The following ADGRV1 variants were observed in gnomAD, a reference collection of about 807,000 sequenced individuals.
ADGRV1 encodes the protein adhesion G protein-coupled receptor V1.
In ADGRV1, 359 loss-of-function variants were observed where a neutral mutation model predicts 596.2. That is an observed-to-expected ratio of 0.60 (90% CI 0.55 to 0.66). The LOEUF (loss-of-function observed/expected upper bound fraction) is 0.66. Among genes scored for constraint, ADGRV1 ranks in the 30% least tolerant of loss-of-function variants. The pLI, the probability that ADGRV1 is intolerant of heterozygous loss-of-function variation, is 0.00. For synonymous variants in ADGRV1, 2,681 were observed against 2,679.2 expected (o/e 1.00, Z -0.02); for missense variants, 7,274 against 7,575.6 (o/e 0.96, Z 1.48).
At chr5:90,783,466 TA>T (rs1186148324) in intron 66 of ADGRV1, 141 bp downstream of exon 66, 8 of 660,522 alleles carry the variant, frequency 1.2e-5, no homozygotes, top group African/African-American at 3.6e-5. Flanking sequence ...TTTGGGGTAC[TA>T]GGGGTAGGGA....
At chr5:90,600,846 T>C (rs1236513841) in intron 1 of ADGRV1, among the ~76,000 whole-genome samples, 3 of 152,100 alleles carry the variant, frequency 2.0e-5, no homozygotes, top group Non-Finnish European at 2.9e-5. Context: ...CAGCACATTG[T>C]GAACAAAATT....
chr5:91,024,565 A>G (rs1240370827), intron 85 of ADGRV1, among the ~76,000 whole-genome samples: 1 of 152,128 alleles, frequency 6.6e-6, no homozygotes, highest in African/African-American at 2.4e-5. Context: ...TAAAAATACA[A>G]AGTAAAATTC....
chr5:91,054,102 T>TGTGTGTGAGA lies in ADGRV1; in HGVS notation c.18153-18344_18153-18343insTGTGTGAGAG, dbSNP rs1299621929. ...GTGTGTGTGTGTGTGTGTGTGTGTG[T>TGTGTGTGAGA]GAGAGAGAGAGAGAGAGAGAGAGAG... On this transcript the variant is annotated intron_variant, in intron 85 of 89. Coordinates refer to ENST00000405460, the MANE Select transcript of ADGRV1 (RefSeq NM_032119.4). Among the ~76,000 whole-genome samples the TGTGTGTGAGA allele has an allele frequency of 7.4e-3, 939 of 126,710 alleles. 5 individuals carry two copies. Among genetic ancestry groups the TGTGTGTGAGA allele is most frequent in the Middle Eastern group, 0.02 (5 of 250 alleles). The allele number at this position is 126,710 out of a possible 152,430, so 83.1% of individuals were successfully genotyped here.
chr5:91,011,494 A>G (rs1376026666), intron 85 of ADGRV1, among the ~76,000 whole-genome samples: 1 of 151,908 alleles, frequency 6.6e-6, no homozygotes, highest in Non-Finnish European at 1.5e-5. Context: ...GATTCTAGGG[A>G]ATTTCACTCC....
chr5:90,945,821 AC>A (rs1370455838), intron 83 of ADGRV1, among the ~76,000 whole-genome samples: 1 of 152,156 alleles, frequency 6.6e-6, no homozygotes, highest in Non-Finnish European at 1.5e-5. Context: ...TACAAAAAAT[AC>A]AAAAATTTGG....
intron 83 of ADGRV1, among the ~76,000 whole-genome samples, chr5:90,952,664 G>A (rs941870408): frequency 2.6e-5 from 4 of 152,120 alleles, no homozygotes; most frequent in Admixed American, 2.6e-4. Flanking sequence ...TTCTGTTTGG[G>A]ACTTGAACTC....
chr5:90,580,407 T>C (rs1032320735), intron 1 of ADGRV1, among the ~76,000 whole-genome samples: 1 of 152,044 alleles, frequency 6.6e-6, no homozygotes, highest in Non-Finnish European at 1.5e-5. Context: ...CTTGGTTCCA[T>C]TCTCCCTGTC....
At chr5:91,054,102 T>TGTGTGTGAGAGAGA (rs1299621929) in intron 85 of ADGRV1, among the ~76,000 whole-genome samples, 4 of 126,738 alleles carry the variant, frequency 3.2e-5, no homozygotes, top group Non-Finnish European at 4.9e-5. Flanking sequence ...TGTGTGTGTG[T>TGTGTGTGAGAGAGA]GAGAGAGAGA....
In ADGRV1 at chr5:90,863,750, C is replaced by T; in HGVS notation, c.17756-7C>T. The T allele has an allele frequency of 1.2e-6, 2 of 1,601,726 alleles. No individual in the cohort carries two copies. Among genetic ancestry groups the T allele is most frequent in the Non-Finnish European group, 1.7e-6 (2 of 1,169,082 alleles). ...TAAACCATATGTGGACTTTTTTGTT[C>T]CTACAGGTCTTTGCTTGGCTGTTCT... is the stretch of plus-strand genomic sequence containing the variant. On this transcript the variant is annotated splice_polypyrimidine_tract_variant and splice_region_variant and intron_variant, in intron 82 of 89. Coordinates refer to ENST00000405460, the MANE Select transcript of ADGRV1 (RefSeq NM_032119.4).
intron 83 of ADGRV1, among the ~76,000 whole-genome samples, chr5:90,938,211 A>AT (rs1775875898): frequency 6.6e-6 from 1 of 152,190 alleles, no homozygotes; most frequent in Admixed American, 6.5e-5. Context: ...TAAAAAAAAA[A>AT]TTTTTTGGAG....
chr5:91,007,756 C>T (rs1782397165), intron 85 of ADGRV1, among the ~76,000 whole-genome samples: 1 of 152,160 alleles, frequency 6.6e-6, no homozygotes, highest in African/African-American at 2.4e-5. Context: ...GAAACTCCAT[C>T]TTAGCAGTGG....
chr5:90,618,616 A>C (rs1159190956), intron 3 of ADGRV1, among the ~76,000 whole-genome samples: 3 of 152,196 alleles, frequency 2.0e-5, no homozygotes. Context: ...TACAAATGTT[A>C]CAGAAAACTC....
intron 83 of ADGRV1, among the ~76,000 whole-genome samples, chr5:90,887,015 C>A (rs1353596413): frequency 6.6e-6 from 1 of 152,144 alleles, no homozygotes; most frequent in East Asian, 1.9e-4. Flanking sequence ...CCAGTTTGCT[C>A]TCTAGTTAGG....
intron 79 of ADGRV1, among the ~76,000 whole-genome samples, chr5:90,849,115 A>G (rs1206138354): frequency 6.6e-6 from 1 of 151,760 alleles, no homozygotes; most frequent in East Asian, 2.0e-4. Context: ...TACATTCTGA[A>G]TAGAAAAAAA....
At position 90,696,975 on chromosome 5, in the gene ADGRV1, G is replaced by T; in HGVS notation, c.7984G>T (p.Asp2662Tyr). 6.2e-7 allele frequency: 1 copy of T among 1,612,250 alleles called. No homozygotes were observed. The highest frequency in any genetic ancestry group is 1.1e-5 in the South Asian group (1 of 90,848). ...KKTVILTILD[D>Y]SEPEDDESII... ...GACAGTCATTTTAACCATCTTGGAT[G>T]ACTCTGAACCAGAGGATGACGAAAG... Residue 2662 changes from aspartate to tyrosine, a missense_variant, in exon 34 of 90, where the codon GAC (aspartate) becomes TAC (tyrosine). Around this residue, in one of 5 missense-constraint regions of ADGRV1, gnomAD observed 3,643 missense variants for 3,809.2 expected, o/e 0.96. Coordinates refer to ENST00000405460, the MANE Select transcript of ADGRV1 (RefSeq NM_032119.4).
At chr5:90,820,747 A>C (rs866835322) in intron 75 of ADGRV1, among the ~76,000 whole-genome samples, 3,221 of 149,552 alleles carry the variant, frequency 0.022, 125 homozygotes, top group African/African-American at 0.076. Context: ...ATTGGCCCCC[A>C]CTCTCTTCTG....
At chr5:90,957,010 C>T (rs890655638) in intron 83 of ADGRV1, among the ~76,000 whole-genome samples, 14 of 149,266 alleles carry the variant, frequency 9.4e-5, no homozygotes, top group African/African-American at 3.5e-4. Flanking sequence ...GATGCTAGCC[C>T]AGAAAAAAAA....
At chr5:90,809,341 TTACTC>T (rs1201368432) in intron 73 of ADGRV1, among the ~76,000 whole-genome samples, 1 of 65,412 alleles carries the variant, frequency 1.5e-5, no homozygotes, top group African/African-American at 5.4e-5. Flanking sequence ...CTGTCTCTCT[TTACTC>T]TCCCCAGCAA....
intron 21 of ADGRV1, among the ~76,000 whole-genome samples, chr5:90,665,191 C>T (rs1771104936): frequency 6.6e-6 from 1 of 151,798 alleles, no homozygotes; most frequent in African/African-American, 2.4e-5. Flanking sequence ...AGGAATGGTA[C>T]CAGTTCCTCC....
Sources: allele counts gnomAD v4.1 joint callset (sites outside exome capture counted in the v4.1 genomes callset), GRCh38; gene constraint gnomAD v4.1.1; regional missense constraint gnomAD v4.1.1; transcripts MANE v1.5; gene names NCBI Gene and HGNC (gene_info 2026-07-23, HGNC 2026-07-21).